Variants in KIT observed in about 807,000 individuals in gnomAD.
KIT encodes KIT proto-oncogene, receptor tyrosine kinase.
A neutral mutation model predicts 105.7 loss-of-function variants in KIT; 16 were observed. The observed-to-expected ratio is 0.15, with a 90% CI of 0.10 to 0.23. The LOEUF is 0.23. Among genes scored for constraint, KIT ranks in the 10% least tolerant of loss-of-function variants. The pLI, the probability that KIT is intolerant of heterozygous loss-of-function variation, is 1.00. For missense variants in KIT, 858 were observed against 1,213.8 expected (o/e 0.71, Z 4.36); for synonymous variants, 438 against 441.1 (o/e 0.99, Z 0.09).
intron 1 of KIT, among the ~76,000 whole-genome samples, chr4:54,685,796 A>G (rs1452195989): frequency 6.6e-6 from 1 of 152,154 alleles, no homozygotes; most frequent in African/African-American, 2.4e-5. Flanking sequence ...GACCCAAGTG[A>G]TAGACCTTTC....
intron 7 of KIT, among the ~76,000 whole-genome samples, chr4:54,712,468 G>A (rs528365532): frequency 1.3e-5 from 2 of 152,206 alleles, no homozygotes; most frequent in Admixed American, 6.5e-5. Context: ...TGTTTCCCTG[G>A]CTTTAAGTCC....
At position 54,739,098 on chromosome 4, in the gene KIT, C is replaced by T. The variant is rs1723104298; in HGVS notation, c.*541C>T. On this transcript the variant is annotated 3_prime_UTR_variant, in exon 21 of 21. Coordinates refer to ENST00000288135, the MANE Select transcript of KIT (RefSeq NM_000222.3). Reference sequence around the variant, plus strand: ...ACATAGGCCATGAAAAAAATGATCCCCAAGTGTGAACAAAAGATGCTCTTC... The same window carrying T: ...ACATAGGCCATGAAAAAAATGATCCTCAAGTGTGAACAAAAGATGCTCTTC... 1 of 394,990 alleles carries T rather than the reference C, an allele frequency of 2.5e-6. No individual in the cohort carries two copies. The highest frequency in any genetic ancestry group is 4.5e-6 in the Non-Finnish European group (1 of 222,806). The allele number at this position is 394,990 out of a possible 1,614,324, so 24.5% of individuals were successfully genotyped here.
At chr4:54,677,874 T>C (rs1312245748) in intron 1 of KIT, among the ~76,000 whole-genome samples, 1 of 152,208 alleles carries the variant, frequency 6.6e-6, no homozygotes, top group Non-Finnish European at 1.5e-5. Context: ...ATATTGAGAA[T>C]GAGGGCTCAT....
chr4:54,718,566 T>G (rs1721647840), intron 7 of KIT, among the ~76,000 whole-genome samples: 1 of 152,234 alleles, frequency 6.6e-6, no homozygotes, highest in Admixed American at 6.5e-5. Context: ...ACATTTGTAC[T>G]ACAGCTGCAG....
chr4:54,737,131 C>T, intron 19 of KIT, 44 bp from the exon 20 acceptor site: 1 of 1,278,790 alleles, frequency 7.8e-7, no homozygotes, highest in Non-Finnish European at 1.1e-6. Context: ...TGAAAACAAG[C>T]TGAGGGCATT....
intron 1 of KIT, among the ~76,000 whole-genome samples, chr4:54,667,381 A>T (rs1317438044): frequency 6.6e-6 from 1 of 152,162 alleles, no homozygotes; most frequent in Admixed American, 6.5e-5. Flanking sequence ...GCCTTTAAGG[A>T]TCCTAGGACC....
chr4:54,726,441 C>A (rs982766606), intron 9 of KIT, among the ~76,000 whole-genome samples: 3 of 152,132 alleles, frequency 2.0e-5, no homozygotes, highest in African/African-American at 7.2e-5. Flanking sequence ...AACACTTTGC[C>A]AGACACTGTA....
intron 1 of KIT, 149 bp downstream of exon 1, chr4:54,658,230 C>A: frequency 1.3e-6 from 1 of 792,214 alleles, no homozygotes; most frequent in Non-Finnish European, 2.1e-6. Context: ...TCCAGGTGGC[C>A]CTCGGACTCT....
chr4:54,703,315 A>G (rs535340466), intron 4 of KIT, among the ~76,000 whole-genome samples: 16 of 152,320 alleles, frequency 1.1e-4, no homozygotes, highest in African/African-American at 3.8e-4. Flanking sequence ...CATTATTGTT[A>G]TTAGCAATGT....
At chr4:54,673,827 ATTTTATTTTT>A (rs912267503) in intron 1 of KIT, among the ~76,000 whole-genome samples, 1 of 152,000 alleles carries the variant, frequency 6.6e-6, no homozygotes, top group Non-Finnish European at 1.5e-5. Flanking sequence ...ATTTTATTTT[ATTTTATTTTT>A]GAGACAGAGT....
intron 1 of KIT, among the ~76,000 whole-genome samples, chr4:54,680,485 C>A (rs1224041746): frequency 6.6e-6 from 1 of 151,010 alleles, no homozygotes; most frequent in Non-Finnish European, 1.5e-5. Flanking sequence ...TCCGCCTCCC[C>A]AGTTCAAGCG....
intron 7 of KIT, among the ~76,000 whole-genome samples, chr4:54,716,866 G>A (rs982025406): frequency 2.0e-5 from 3 of 152,142 alleles, no homozygotes; most frequent in African/African-American, 7.2e-5. Context: ...CATACGATAT[G>A]GCAGATATAC....
At chr4:54,714,740 G>T (rs373478005) in intron 7 of KIT, among the ~76,000 whole-genome samples, 9 of 152,278 alleles carry the variant, frequency 5.9e-5, no homozygotes, top group Admixed American at 4.6e-4. Context: ...GTGGCAAACG[G>T]TATTTACGGA....
intron 1 of KIT, among the ~76,000 whole-genome samples, chr4:54,671,157 A>C (rs1044496368): frequency 3.3e-5 from 5 of 152,048 alleles, no homozygotes; most frequent in African/African-American, 1.2e-4. Flanking sequence ...GTGGCCTTTC[A>C]CAGTTCCATG....
intron 14 of KIT, among the ~76,000 whole-genome samples, chr4:54,730,359 A>G (rs1722508376): frequency 6.6e-6 from 1 of 152,090 alleles, no homozygotes; most frequent in African/African-American, 2.4e-5. Context: ...TGCCTCCTGA[A>G]CTCTTAACAC....
chr4:54,713,407 A>G (rs187489656), intron 7 of KIT, among the ~76,000 whole-genome samples: 111 of 152,286 alleles, frequency 7.3e-4, no homozygotes, highest in Non-Finnish European at 1.4e-3. Context: ...TAAACTTAGA[A>G]TAGTTGTGGC....
In KIT at chr4:54,736,625, C is replaced by A. The variant is rs2109811817; in HGVS notation, c.2596+16C>A. ...TTCTCTTTAGGTAAAATGATCCTTG[C>A]CAAAGACAACTTCATTAGACTCAGA... On this transcript the variant is annotated intron_variant, in intron 18 of 20. Transcript: ENST00000288135. The A allele has an allele frequency of 6.2e-7, 1 of 1,604,490 alleles. No homozygotes were observed. Among genetic ancestry groups the A allele is most frequent in the East Asian group, 2.2e-5 (1 of 44,824 alleles).
At chr4:54,713,835 T>C (rs1267587388) in intron 7 of KIT, among the ~76,000 whole-genome samples, 1 of 152,176 alleles carries the variant, frequency 6.6e-6, no homozygotes, top group African/African-American at 2.4e-5. Context: ...GTATATAACA[T>C]GTTAAGCTTG....
rs199973510 is a variant in KIT at position 54,689,868 on chromosome 4, T to TC, written c.68-5639dup. Among the ~76,000 whole-genome samples, 806 of 152,032 alleles carry TC rather than the reference T, an allele frequency of 5.3e-3. 9 individuals are homozygous for TC. Among genetic ancestry groups the TC allele is most frequent in the African/African-American group, 0.018 (743 of 41,434 alleles). ...CTACTTATTAAATAATAACTGTCCA[T>TC]CCCCCACTGTACTCCCTCCCCACAC... On this transcript the variant is annotated intron_variant, in intron 1 of 20. Coordinates refer to ENST00000288135, the MANE Select transcript of KIT (RefSeq NM_000222.3).
Sources: allele counts gnomAD v4.1 joint callset (sites outside exome capture counted in the v4.1 genomes callset), GRCh38; gene constraint gnomAD v4.1.1; transcripts MANE v1.5; gene names NCBI Gene and HGNC (gene_info 2026-07-23, HGNC 2026-07-21).